Variants in NDUFA8 observed in about 807,000 individuals in gnomAD.
NDUFA8 encodes the protein NADH:ubiquinone oxidoreductase subunit A8.
A neutral mutation model predicts 20.9 loss-of-function variants in NDUFA8; 16 were observed. The observed-to-expected ratio is 0.77, with a 90% CI of 0.52 to 1.16. NDUFA8 has a LOEUF of 1.16. Among genes scored for constraint, NDUFA8 ranks in the 50% most tolerant of loss-of-function variants. The probability of loss-of-function intolerance (pLI) is 0.00; values close to 1 mark genes in which losing one functional copy is unlikely to be tolerated. For missense variants in NDUFA8, 202 were observed against 216.4 expected (o/e 0.93, Z 0.42); for synonymous variants, 70 against 76.1 (o/e 0.92, Z 0.41).
At chr9:122,138,317 T>C in the NDUFA8 span, among the ~76,000 whole-genome samples, 5 of 152,322 alleles carry the variant, frequency 3.3e-5, no homozygotes, top group African/African-American at 1.2e-4. Flanking sequence ...TGCATGTAAT[T>C]TATATTTCTT....
At chr9:122,155,659 T>C (rs1829067101) in intron 1 of NDUFA8, among the ~76,000 whole-genome samples, 1 of 152,184 alleles carries the variant, frequency 6.6e-6, no homozygotes. Context: ...CATTTGCTTG[T>C]TTTATTACCT....
At chr9:122,136,145 C>T in the NDUFA8 span, among the ~76,000 whole-genome samples, 8 of 152,166 alleles carry the variant, frequency 5.3e-5, no homozygotes, top group Admixed American at 4.6e-4. Flanking sequence ...TGAACAGAAG[C>T]TTTTTCTCTC....
the NDUFA8 span, among the ~76,000 whole-genome samples, chr9:122,135,568 C>T: frequency 6.6e-6 from 1 of 152,220 alleles, no homozygotes; most frequent in African/African-American, 2.4e-5. Flanking sequence ...AGCCCGGGTT[C>T]TGCAGCCAAA....
At chr9:122,142,329 T>TTCC (rs1828834246), downstream of NDUFA8, among the ~76,000 whole-genome samples, 1 of 152,226 alleles carries the variant, frequency 6.6e-6, no homozygotes, top group East Asian at 1.9e-4. Context: ...CTGTACTTGC[T>TTCC]TCCTCATGTC....
the NDUFA8 span, among the ~76,000 whole-genome samples, chr9:122,138,865 T>TAG: frequency 3.4e-5 from 3 of 89,384 alleles, no homozygotes; most frequent in African/African-American, 1.2e-4. Flanking sequence ...CAAGAAGAGG[T>TAG]GGGGGGGGGG....
At chr9:122,159,445 T>C (rs1588297540) in intron 1 of NDUFA8, among the ~76,000 whole-genome samples, 182 bp downstream of exon 1, 1 of 149,764 alleles carries the variant, frequency 6.7e-6, no homozygotes, top group South Asian at 2.1e-4. Flanking sequence ...CAGGGTGGGG[T>C]AGAGAGGGGA....
Position 122,159,725 on chromosome 9 carries a change from C to G in NDUFA8, c.-48G>C. 6.2e-7 allele frequency: 1 copy of G among 1,613,618 alleles called. No homozygotes were observed. The highest frequency in any genetic ancestry group is 8.5e-7 in the Non-Finnish European group (1 of 1,179,764). ...ACGAGAAGCCCTCAGCCGCGTCGCC[C>G]CCGTCTCCTTGAACTCCCCTTTCGA... is the stretch of plus-strand genomic sequence containing the variant. On this transcript the variant is annotated 5_prime_UTR_variant, in exon 1 of 4. Transcript: ENST00000373768.
At chr9:122,159,498 T>A (rs1030384282) in intron 1 of NDUFA8, 129 bp downstream of exon 1, 6 of 1,122,416 alleles carry the variant, frequency 5.3e-6, no homozygotes, top group Admixed American at 1.7e-5. Context: ...GGGGTCGACC[T>A]GTATATGCGT....
chr9:122,159,060 G>A (rs1299916960), intron 1 of NDUFA8, among the ~76,000 whole-genome samples: 7 of 152,132 alleles, frequency 4.6e-5, no homozygotes, highest in African/African-American at 1.7e-4. Context: ...CCAGCGTTAT[G>A]TGTACACGTT....
At chr9:122,141,007 G>A (rs1564406430), downstream of NDUFA8, among the ~76,000 whole-genome samples, 1 of 152,210 alleles carries the variant, frequency 6.6e-6, no homozygotes, top group Admixed American at 6.5e-5. Context: ...GCTGTAGGAA[G>A]GGGATACTTC....
chr9:122,136,047 T>C, the NDUFA8 span, among the ~76,000 whole-genome samples: 7 of 152,238 alleles, frequency 4.6e-5, no homozygotes, highest in Non-Finnish European at 1.0e-4. Context: ...AAATTTCCCA[T>C]GTCAATAGAG....
chr9:122,150,049 T>C (rs577232034), intron 2 of NDUFA8, among the ~76,000 whole-genome samples: 2 of 152,218 alleles, frequency 1.3e-5, no homozygotes, highest in South Asian at 2.1e-4. Context: ...CCAAAAATAT[T>C]TGCACCTCCC....
downstream of NDUFA8, among the ~76,000 whole-genome samples, chr9:122,143,186 T>C (rs987348282): frequency 5.9e-5 from 9 of 152,116 alleles, no homozygotes; most frequent in African/African-American, 2.2e-4. Flanking sequence ...TAGAATGAGC[T>C]CGAAGGGCCT....
intron 3 of NDUFA8, among the ~76,000 whole-genome samples, chr9:122,147,247 A>C (rs921496607): frequency 2.7e-5 from 4 of 145,756 alleles, no homozygotes; most frequent in African/African-American, 9.7e-5. Flanking sequence ...GAGGATTAAA[A>C]AAAAAATTCC....
chr9:122,145,775 G>A (rs765172353), intron 3 of NDUFA8, among the ~76,000 whole-genome samples: 12 of 152,164 alleles, frequency 7.9e-5, no homozygotes, highest in Non-Finnish European at 8.8e-5. Flanking sequence ...TTATCCCACC[G>A]CCCTGTCATA....
At chr9:122,155,291 C>T (rs981443843) in intron 1 of NDUFA8, among the ~76,000 whole-genome samples, 3 of 152,194 alleles carry the variant, frequency 2.0e-5, no homozygotes, top group African/African-American at 7.2e-5. Context: ...GTTGGTCAGG[C>T]TGGTCTCAAA....
At position 122,152,386 on chromosome 9, in the gene NDUFA8, A is replaced by G. The variant is rs762349102; in HGVS notation, c.74T>C (p.Leu25Pro). 1 of 1,614,166 alleles carries G rather than the reference A, an allele frequency of 6.2e-7. No homozygotes were observed. The highest frequency in any genetic ancestry group is 2.2e-5 in the East Asian group (1 of 44,874). ...VDEVKISSAV[L>P]KAAAHHYGAQ... Reference sequence around the variant, plus strand: ...TCCATAGTGATGGGCCGCAGCTTTAAGCACAGCAGAACTAATTTTCACCTA... The same window carrying G: ...TCCATAGTGATGGGCCGCAGCTTTAGGCACAGCAGAACTAATTTTCACCTA... Residue 25 changes from leucine (L) to proline (P), a missense_variant, in exon 2 of 4, where the codon CTT becomes CCT. Transcript: ENST00000373768.
At position 122,152,282 on chromosome 9, in the gene NDUFA8, C is replaced by G. The variant is rs753166795; in HGVS notation, c.178G>C (p.Gly60Arg). The part of the protein sequence containing the change: ...EKDPRRCLEE[G>R]KLVNKCALDF... The stretch of plus-strand genomic sequence containing the variant: ...AAAGCACACTTGTTGACCAGTTTGC[C>G]TTCCTCTAAACACCGCCTCGGATCT... Residue 60 changes from glycine to arginine, a missense_variant, in exon 2 of 4, where the codon GGC becomes CGC. By Grantham distance (125) the Gly-to-Arg change is moderately radical (BLOSUM62 -2). Transcript: ENST00000373768. 1 of 1,614,164 alleles carries G rather than the reference C, an allele frequency of 6.2e-7. No individual in the cohort carries two copies. The highest frequency in any genetic ancestry group is 8.5e-7 in the Non-Finnish European group (1 of 1,180,034).
chr9:122,134,602 CCT>C, the NDUFA8 span, among the ~76,000 whole-genome samples: 2 of 152,178 alleles, frequency 1.3e-5, no homozygotes, highest in Non-Finnish European at 2.9e-5. Context: ...CTGAGCCCAT[CCT>C]CTCTAAAAGT....
Sources: allele counts gnomAD v4.1 joint callset (sites outside exome capture counted in the v4.1 genomes callset), GRCh38; gene constraint gnomAD v4.1.1; transcripts MANE v1.5; gene names NCBI Gene and HGNC (gene_info 2026-07-23, HGNC 2026-07-21).